Variants in STK3 observed in about 807,000 individuals in gnomAD.
STK3 encodes the protein serine/threonine kinase 3.
Under a neutral mutation model 58.0 loss-of-function variants are expected in STK3, and 41 were observed. That is an observed-to-expected ratio of 0.71 (90% CI 0.55 to 0.92). The LOEUF (loss-of-function observed/expected upper bound fraction) is 0.92, where lower values mean the gene tolerates loss of function less well. Among genes scored for constraint, STK3 ranks in the 40% least tolerant of loss-of-function variants. STK3 has a pLI of 0.00. For synonymous variants in STK3, 170 were observed against 191.0 expected (o/e 0.89, Z 0.91); for missense variants, 479 against 602.7 (o/e 0.79, Z 2.15).
intron 2 of STK3, 114 bp from the exon 3 acceptor site, chr8:98,767,485 T>C: frequency 1.0e-6 from 1 of 990,492 alleles, no homozygotes; most frequent in Non-Finnish European, 1.4e-6. Context: ...ACTATTTAAA[T>C]GATTAAAAAA....
At chr8:98,905,408 A>G in intron 1 of STK3, 1 of 1,281,550 alleles carries the variant, frequency 7.8e-7, no homozygotes, top group East Asian at 2.3e-5. Context: ...GGTTGGTACA[A>G]GTGGGACTGA....
intron 6 of STK3, among the ~76,000 whole-genome samples, chr8:98,643,164 C>T (rs2130625346): frequency 6.6e-6 from 1 of 152,256 alleles, no homozygotes; most frequent in South Asian, 2.1e-4. Context: ...GAGATCAAGG[C>T]TGCAGTGAGA....
intron 2 of STK3, among the ~76,000 whole-genome samples, chr8:98,374,791 A>T (rs1458567310): frequency 6.6e-6 from 1 of 152,208 alleles, no homozygotes; most frequent in Admixed American, 6.5e-5. Flanking sequence ...GCAGGAGAAA[A>T]TGAAAATAAT....
intron 4 of STK3, among the ~76,000 whole-genome samples, chr8:98,716,111 A>C (rs1826989886): frequency 6.6e-6 from 1 of 152,114 alleles, no homozygotes; most frequent in Non-Finnish European, 1.5e-5. Context: ...AGGAAGGGGA[A>C]CATCACACAC....
intron 6 of STK3, among the ~76,000 whole-genome samples, chr8:98,688,061 A>C (rs943141106): frequency 6.6e-6 from 1 of 152,210 alleles, no homozygotes; most frequent in Non-Finnish European, 1.5e-5. Context: ...ACACCCATAG[A>C]CTCATAGTAA....
At chr8:98,587,083 G>A (rs1231756092) in intron 7 of STK3, among the ~76,000 whole-genome samples, 1 of 151,628 alleles carries the variant, frequency 6.6e-6, no homozygotes, top group African/African-American at 2.4e-5. Flanking sequence ...AGGGTTTTTT[G>A]TGTCTCTGTT....
chr8:98,441,462 T>C (rs891051594), intron 1 of STK3, among the ~76,000 whole-genome samples: 2 of 152,178 alleles, frequency 1.3e-5, no homozygotes, highest in Admixed American at 6.5e-5. Flanking sequence ...ATATCTTCCT[T>C]TGGGCCTGGG....
intron 10 of STK3, among the ~76,000 whole-genome samples, chr8:98,479,079 A>G (rs1308846532): frequency 6.6e-6 from 1 of 152,208 alleles, no homozygotes; most frequent in South Asian, 2.1e-4. Flanking sequence ...GACATACTTC[A>G]TCACTGTTTT....
intron 8 of STK3, among the ~76,000 whole-genome samples, chr8:98,567,592 C>T (rs1227471639): frequency 6.6e-6 from 1 of 152,146 alleles, no homozygotes; most frequent in Non-Finnish European, 1.5e-5. Context: ...GTTTTCCCTT[C>T]CCTGCTTGTC....
At chr8:98,782,866 C>A (rs1409458456) in intron 1 of STK3, among the ~76,000 whole-genome samples, 1 of 151,330 alleles carries the variant, frequency 6.6e-6, no homozygotes, top group Non-Finnish European at 1.5e-5. Context: ...GAAAAAGAAA[C>A]AAATGGGATG....
intron 6 of STK3, among the ~76,000 whole-genome samples, chr8:98,641,494 T>G (rs1415317287): frequency 6.6e-6 from 1 of 152,150 alleles, no homozygotes; most frequent in Non-Finnish European, 1.5e-5. Context: ...ACATACTGAG[T>G]AACTACTATG....
chr8:98,644,837 A>T (rs1587135187), intron 6 of STK3, among the ~76,000 whole-genome samples: 1 of 152,306 alleles, frequency 6.6e-6, no homozygotes, highest in Middle Eastern at 3.4e-3. Context: ...AACCCATACA[A>T]ACAGCAGTTT....
At chr8:98,840,529 C>A (rs1343084834) in intron 3 of STK3, among the ~76,000 whole-genome samples, 6 of 141,886 alleles carry the variant, frequency 4.2e-5, no homozygotes, top group African/African-American at 1.6e-4. Flanking sequence ...CATGATCACA[C>A]CACTGCACTC....
intron 6 of STK3, among the ~76,000 whole-genome samples, chr8:98,652,047 G>A (rs1229253507): frequency 6.6e-6 from 1 of 152,086 alleles, no homozygotes; most frequent in Non-Finnish European, 1.5e-5. Context: ...CACCAAAGTT[G>A]AAATGAAGGA....
In STK3 at chr8:98,428,675, C is replaced by T. The variant is rs1818282342; in HGVS notation, n.483+5452G>A. On this transcript the variant is annotated intron_variant and non_coding_transcript_variant, in intron 3 of 3. Transcript: ENST00000517832. This position sits in a 1 kb window ranked among gnomAD's most constrained non-coding sequence, Gnocchi z 6.7. ...ACCCTAGGTTCGAAATCGTGGAGCA[C>T]TTTGGCATTGCCTGGTTCACATTTG... The T allele has an allele frequency of 1.9e-6, 3 of 1,614,236 alleles. No homozygotes were observed. The highest frequency in any genetic ancestry group is 2.5e-6 in the Non-Finnish European group (3 of 1,180,054).
intron 6 of STK3, among the ~76,000 whole-genome samples, chr8:98,672,844 T>C (rs143133616): frequency 3.9e-5 from 6 of 152,328 alleles, no homozygotes; most frequent in Middle Eastern, 3.4e-3. Context: ...AAGTTATTAC[T>C]ATTTAGTGGA....
chr8:98,548,124 G>T lies in STK3; in HGVS notation c.986C>A (p.Thr329Asn). Residue 329 changes from threonine (T) to asparagine (N), a missense_variant, in exon 9 of 11, where the codon ACT becomes AAT. By Grantham distance (65) the Thr-to-Asn change is moderately conservative (BLOSUM62 0). This residue lies in a region of STK3 where 309 missense variants were observed against 355.7 expected (regional missense o/e 0.87). Coordinates refer to ENST00000419617, the MANE Select transcript of STK3 (RefSeq NM_006281.4). ...DELDSHTMVKTSVESVGTMRA... is the reference protein window; with the variant it reads ...DELDSHTMVKNSVESVGTMRA... ...CATGGTGCCCACACTCTCCACACTA[G>T]TCTTCACCATGGTGTGGGAATCCAG... is the stretch of plus-strand genomic sequence containing the variant. 1 of 1,588,048 alleles carries T rather than the reference G, an allele frequency of 6.3e-7. No individual in the cohort carries two copies. Among genetic ancestry groups the T allele is most frequent in the Non-Finnish European group, 8.6e-7 (1 of 1,168,342 alleles).
At chr8:98,714,080 A>AT (rs1563921928) in intron 4 of STK3, among the ~76,000 whole-genome samples, 2 of 152,078 alleles carry the variant, frequency 1.3e-5, no homozygotes, top group Non-Finnish European at 2.9e-5. Context: ...AAATTCAACA[A>AT]CCTACATGCT....
chr8:98,820,056 A>G (rs1834788891), intron 1 of STK3, among the ~76,000 whole-genome samples: 1 of 152,070 alleles, frequency 6.6e-6, no homozygotes, highest in Non-Finnish European at 1.5e-5. Context: ...TAACTCCTCT[A>G]TATTCTCAAC....
Sources: gnomAD v4.1 joint callset for allele counts (sites outside exome capture counted in the v4.1 genomes callset) on GRCh38, gnomAD v4.1.1 for gene constraint, gnomAD v4.1.1 regional missense constraint, Gnocchi (gnomAD v3.1) non-coding constraint, MANE v1.5 for transcripts, NCBI Gene and HGNC (gene_info 2026-07-23, HGNC 2026-07-21) for gene names.